NALF1: variants seen among roughly 807,000 people sequenced by gnomAD.
NALF1 encodes family with sequence similarity 155 member A.
NALF1 carries 3 observed loss-of-function variants against 48.4 expected under a neutral mutation model. The ratio of observed to expected loss-of-function variants is 0.06; its 90% CI spans 0.03 to 0.16. The LOEUF is 0.16. Ranked by LOEUF, NALF1 falls within the 10% of genes least tolerant of loss-of-function variation. The pLI, the probability that NALF1 is intolerant of heterozygous loss-of-function variation, is 1.00. For missense variants in NALF1, 526 were observed against 571.5 expected (o/e 0.92, Z 0.81); for synonymous variants, 262 against 245.7 (o/e 1.07, Z -0.62).
At chr13:107,409,903 A>G (rs1221474771) in intron 1 of NALF1, among the ~76,000 whole-genome samples, 1 of 152,170 alleles carries the variant, frequency 6.6e-6, no homozygotes, top group Non-Finnish European at 1.5e-5. Context: ...GCCCCAGCCC[A>G]TAGCTGCATA....
At chr13:107,210,159 A>C (rs975484298) in intron 2 of NALF1, among the ~76,000 whole-genome samples, 1 of 152,186 alleles carries the variant, frequency 6.6e-6, no homozygotes, top group African/African-American at 2.4e-5. Flanking sequence ...AATTCTCAGA[A>C]AATAAAATAA....
At chr13:107,605,131 A>C (rs1041097277) in intron 1 of NALF1, among the ~76,000 whole-genome samples, 4 of 152,204 alleles carry the variant, frequency 2.6e-5, no homozygotes, top group Non-Finnish European at 5.9e-5. Context: ...AGCTGCTGCA[A>C]TACCCAAAAG....
chr13:107,701,146 G>A (rs368813877), intron 1 of NALF1, among the ~76,000 whole-genome samples: 2 of 152,142 alleles, frequency 1.3e-5, no homozygotes, highest in Non-Finnish European at 2.9e-5. Flanking sequence ...CATACCCAAA[G>A]GAGATGAAAT....
At position 107,390,610 on chromosome 13, in the gene NALF1, C is replaced by T. The variant is rs894515785; in HGVS notation, c.916-179855G>A. 8.6e-5 allele frequency among the ~76,000 whole-genome samples: 13 copies of T among 151,944 alleles called. 1 individual carries two copies. The highest frequency in any genetic ancestry group is 6.8e-3 in the Middle Eastern group (2 of 294). ...ACAAAAAACAAACAAACAAAAAAAG[C>T]CCAGTGGTATTTTACTTGAGGCAAA... On this transcript the variant is annotated intron_variant, in intron 1 of 2. Transcript: ENST00000375915.
At chr13:107,716,540 CTT>C (rs2138523750) in intron 1 of NALF1, among the ~76,000 whole-genome samples, 1 of 152,324 alleles carries the variant, frequency 6.6e-6, no homozygotes, top group African/African-American at 2.4e-5. Context: ...TGGGCCACTG[CTT>C]TCTCTTCGCT....
chr13:107,200,420 C>T (rs566452183), intron 2 of NALF1, among the ~76,000 whole-genome samples: 1 of 152,266 alleles, frequency 6.6e-6, no homozygotes, highest in Admixed American at 6.5e-5. Context: ...AGCTTGCAGA[C>T]TCTCCTAAGG....
intron 1 of NALF1, among the ~76,000 whole-genome samples, chr13:107,762,259 G>T (rs1258909587): frequency 6.6e-6 from 1 of 151,060 alleles, no homozygotes; most frequent in Non-Finnish European, 1.5e-5. Flanking sequence ...AAAAGTAAAA[G>T]TTAATTTTTG....
chr13:107,794,495 TATA>T (rs1878352215), intron 1 of NALF1, among the ~76,000 whole-genome samples: 1 of 150,898 alleles, frequency 6.6e-6, no homozygotes, highest in Non-Finnish European at 1.5e-5. Flanking sequence ...TTGCAGGAAT[TATA>T]ATGCTTAACA....
chr13:107,439,997 T>C (rs1884529989), intron 1 of NALF1, among the ~76,000 whole-genome samples: 1 of 152,224 alleles, frequency 6.6e-6, no homozygotes, highest in Non-Finnish European at 1.5e-5. Flanking sequence ...TTTTAATATT[T>C]GGACTTAAAA....
intron 1 of NALF1, among the ~76,000 whole-genome samples, chr13:107,627,930 T>C (rs1337092494): frequency 7.9e-5 from 12 of 152,030 alleles, no homozygotes; most frequent in Admixed American, 7.9e-4. Context: ...AAAATAATAA[T>C]AAATAAAAAA....
intron 1 of NALF1, among the ~76,000 whole-genome samples, chr13:107,325,845 CACACACACACATATAT>C (rs1428796921): frequency 2.5e-4 from 11 of 44,068 alleles, no homozygotes; most frequent in African/African-American, 5.1e-4. Context: ...TGTCTCAACA[CACACACACACATATAT>C]ATATATATAT....
intron 1 of NALF1, among the ~76,000 whole-genome samples, chr13:107,594,349 T>C (rs910075970): frequency 6.6e-6 from 1 of 152,068 alleles, no homozygotes; most frequent in Non-Finnish European, 1.5e-5. Context: ...AAATAAATGC[T>C]TTACATCAAT....
chr13:107,381,712 TG>T (rs1474734088), intron 1 of NALF1, among the ~76,000 whole-genome samples: 1 of 152,158 alleles, frequency 6.6e-6, no homozygotes, highest in African/African-American at 2.4e-5. Context: ...TGATGATGCC[TG>T]GGGGCACCAG....
intron 1 of NALF1, among the ~76,000 whole-genome samples, chr13:107,324,398 T>C (rs1882310271): frequency 6.6e-6 from 1 of 152,192 alleles, no homozygotes; most frequent in Non-Finnish European, 1.5e-5. Flanking sequence ...TCAATTTGCA[T>C]TTCTGAGATC....
chr13:107,568,317 G>C (rs1443280722), intron 1 of NALF1, among the ~76,000 whole-genome samples: 1 of 152,124 alleles, frequency 6.6e-6, no homozygotes, highest in Non-Finnish European at 1.5e-5. Context: ...TTTTCATTCT[G>C]TGGATATACC....
intron 1 of NALF1, among the ~76,000 whole-genome samples, chr13:107,250,354 G>A (rs985191348): frequency 1.3e-5 from 2 of 152,004 alleles, no homozygotes; most frequent in African/African-American, 4.8e-5. Context: ...TACTATGCTT[G>A]TATTCACAAA....
intron 1 of NALF1, among the ~76,000 whole-genome samples, chr13:107,379,575 A>C (rs1342724204): frequency 1.3e-5 from 2 of 152,152 alleles, no homozygotes; most frequent in Non-Finnish European, 2.9e-5. Context: ...CACCACGTTG[A>C]TCAGGAAACC....
rs556387429 is a variant in NALF1, at chr13:107,331,551, C to G, written c.916-120796G>C. Reference sequence around the variant, plus strand: ...TTACCATAAAAGTGATGGCCAAAACCGCAATTACTTTTGCACCAATCTAAT... The same window carrying G: ...TTACCATAAAAGTGATGGCCAAAACGGCAATTACTTTTGCACCAATCTAAT... On this transcript the variant is annotated intron_variant, in intron 1 of 2. Transcript: ENST00000375915. Among the ~76,000 whole-genome samples the G allele has an allele frequency of 1.5e-4, 23 of 152,156 alleles. No homozygotes were observed. The South Asian group carries it at 4.8e-3, about 32-fold the overall frequency.
chr13:107,804,182 T>C (rs1878704514), intron 1 of NALF1, among the ~76,000 whole-genome samples: 1 of 152,180 alleles, frequency 6.6e-6, no homozygotes, highest in Admixed American at 6.5e-5. Context: ...TCCACCTTGA[T>C]CCAAGCAGGT....
Sources: allele counts gnomAD v4.1 joint callset (sites outside exome capture counted in the v4.1 genomes callset), GRCh38; gene constraint gnomAD v4.1.1; transcripts MANE v1.5; gene names NCBI Gene and HGNC (gene_info 2026-07-23, HGNC 2026-07-21).